The following MGP variants were observed in gnomAD, a reference collection of about 807,000 sequenced individuals.
The protein encoded by MGP is cell growth-inhibiting gene 36 protein.
A neutral mutation model predicts 14.5 loss-of-function variants in MGP; 13 were observed. The observed-to-expected ratio is 0.89, with a 90% CI of 0.58 to 1.42. The LOEUF is 1.42. Among genes scored for constraint, MGP ranks in the 40% most tolerant of loss-of-function variants. MGP has a pLI of 0.00. For synonymous variants in MGP, 44 were observed against 46.3 expected (o/e 0.95, Z 0.20); for missense variants, 128 against 133.7 (o/e 0.96, Z 0.21).
chr12:14,884,117 C>T (rs1863412512), intron 2 of MGP, 96 bp downstream of exon 2: 3 of 1,004,920 alleles, frequency 3.0e-6, no homozygotes, highest in South Asian at 3.5e-5. Context: ...CCCCTTTTCC[C>T]TCCCTGTTAT....
intron 2 of MGP, 161 bp from the exon 3 acceptor site, chr12:14,883,208 T>G: frequency 3.1e-6 from 2 of 640,034 alleles, no homozygotes; most frequent in East Asian, 5.8e-5. Context: ...GTAGATTTCA[T>G]TAACTTCCTG....
At chr12:14,883,968 A>G (rs886163574) in intron 2 of MGP, 1 of 353,108 alleles carries the variant, frequency 2.8e-6, no homozygotes, top group Non-Finnish European at 5.4e-6. Context: ...AAAATTTCCA[A>G]ATGAGATTTT....
chr12:14,885,488 C>G (rs777674737), intron 1 of MGP, among the ~76,000 whole-genome samples: 3 of 152,160 alleles, frequency 2.0e-5, no homozygotes, highest in Non-Finnish European at 4.4e-5. Context: ...TCTAGATATA[C>G]AGAGACTTAC....
intron 1 of MGP, chr12:14,884,682 G>A: frequency 1.5e-6 from 1 of 655,956 alleles, no homozygotes; most frequent in Non-Finnish European, 2.5e-6. Flanking sequence ...GTTTCTCCAG[G>A]CAAGAGAACT....
rs1280939002 is a variant in MGP at position 14,884,260 on chromosome 12, A to G, written c.62-15T>C. 4 of 1,367,466 alleles carry G rather than the reference A, an allele frequency of 2.9e-6. No individual in the cohort carries two copies. Among genetic ancestry groups the G allele is most frequent in the African/African-American group, 1.4e-5 (1 of 69,036 alleles). The allele number at this position is 1,367,466 out of a possible 1,614,324, so 84.7% of individuals were successfully genotyped here. On this transcript the variant is annotated splice_polypyrimidine_tract_variant and intron_variant, in intron 1 of 3. Transcript: ENST00000539261. ...TTCATGTGATTCTGAAATTAAAAAA[A>G]AAAGATTCATTATATCAATATTTAT...
rs777582699 is a variant in MGP, at chr12:14,884,147, A to G, written c.94+66T>C. 3.9e-4 allele frequency: 496 copies of G among 1,260,538 alleles called. 3 individuals carry two copies. The highest frequency in any genetic ancestry group is 2.8e-3 in the Middle Eastern group (14 of 5,080). The allele number at this position is 1,260,538 out of a possible 1,614,324, so 78.1% of individuals were successfully genotyped here. On this transcript the variant is annotated intron_variant, in intron 2 of 3. Transcript: ENST00000539261. ...TGTTATATATCTTTCCATCTTGTTT[A>G]TTTAAAAATAAGAAGAGGTTCTTTA...
intron 2 of MGP, 115 bp downstream of exon 2, chr12:14,884,098 A>G: frequency 2.3e-6 from 2 of 863,352 alleles, no homozygotes; most frequent in Non-Finnish European, 1.7e-6. Context: ...TTAGTTTTCC[A>G]AAAGAGGCCC....
chr12:14,881,939 C>T lies in MGP; in HGVS notation c.*200G>A, dbSNP rs1337612642. Reference sequence around the variant, plus strand: ...ATTATGGAACAATCACATATGTTGACTCTCCTTTGACCCTCACTGCAGTGC... The same window carrying T: ...ATTATGGAACAATCACATATGTTGATTCTCCTTTGACCCTCACTGCAGTGC... On this transcript the variant is annotated 3_prime_UTR_variant, in exon 4 of 4. Coordinates refer to ENST00000539261, the MANE Select transcript of MGP (RefSeq NM_000900.5). 3.3e-6 allele frequency: 2 copies of T among 613,594 alleles called. No homozygotes were observed. Among genetic ancestry groups the T allele is most frequent in the East Asian group, 2.9e-5 (1 of 35,060 alleles). 38.0% of individuals were successfully genotyped at this position (613,594 alleles called of 1,614,324 possible).
At chr12:14,884,858 A>T in intron 1 of MGP, 1 of 1,535,318 alleles carries the variant, frequency 6.5e-7, no homozygotes, top group Non-Finnish European at 8.7e-7. Context: ...ACGATATCAA[A>T]GCCGAAGTTT....
At chr12:14,882,935 G>A in intron 3 of MGP, 37 bp downstream of exon 3, 1 of 1,420,982 alleles carries the variant, frequency 7.0e-7, no homozygotes, top group Admixed American at 1.7e-5. Context: ...TCTACACTGG[G>A]AAAAATGACC....
At position 14,882,111 on chromosome 12, in the gene MGP, A is replaced by G; in HGVS notation, c.*28T>C. The G allele has an allele frequency of 6.2e-7, 1 of 1,613,834 alleles. No individual in the cohort carries two copies. The highest frequency in any genetic ancestry group is 1.7e-4 in the Middle Eastern group (1 of 6,054). On this transcript the variant is annotated 3_prime_UTR_variant, in exon 4 of 4. Coordinates refer to ENST00000539261, the MANE Select transcript of MGP (RefSeq NM_000900.5). The stretch of plus-strand genomic sequence containing the variant: ...AAAATCAGGTGCCAGCCTCCAGAAA[A>G]AAAGAGATTTTTTTTCTTCCCTCAG...
Position 14,881,941 on chromosome 12 carries a change from C to A in MGP, c.*198G>T. ...TATGGAACAATCACATATGTTGACT[C>A]TCCTTTGACCCTCACTGCAGTGCAC... On this transcript the variant is annotated 3_prime_UTR_variant, in exon 4 of 4. Coordinates refer to ENST00000539261, the MANE Select transcript of MGP (RefSeq NM_000900.5). 1 of 619,520 alleles carries A rather than the reference C, an allele frequency of 1.6e-6. No individual in the cohort carries two copies. Among genetic ancestry groups the A allele is most frequent in the Non-Finnish European group, 2.8e-6 (1 of 353,238 alleles). 38.4% of individuals were successfully genotyped at this position (619,520 alleles called of 1,614,324 possible). A position where few individuals can be genotyped will look rare whatever the true frequency, so the allele number is the denominator to read the frequency against.
chr12:14,884,782 C>CA, intron 1 of MGP: 1 of 1,522,666 alleles, frequency 6.6e-7, no homozygotes, highest in Non-Finnish European at 8.8e-7. Context: ...TTGGCAGCCA[C>CA]AGAAACCACT....
At chr12:14,884,300 G>C in intron 1 of MGP, 55 bp from the exon 2 acceptor site, 1 of 1,169,264 alleles carries the variant, frequency 8.6e-7, no homozygotes, top group Non-Finnish European at 1.2e-6. Context: ...GATTCATTAT[G>C]TTATTATTTA....
In MGP at chr12:14,882,096, G is replaced by A. The variant is rs373905218; in HGVS notation, c.*43C>T. The A allele has an allele frequency of 5.6e-6, 9 of 1,611,388 alleles. No individual in the cohort carries two copies. ...GCTACAGGGGGATACAAAATCAGGT[G>A]CCAGCCTCCAGAAAAAAAGAGATTT... On this transcript the variant is annotated 3_prime_UTR_variant, in exon 4 of 4. Coordinates refer to ENST00000539261, the MANE Select transcript of MGP (RefSeq NM_000900.5).
intron 2 of MGP, chr12:14,883,286 G>A (rs1256939287): frequency 2.1e-6 from 1 of 476,162 alleles, no homozygotes; most frequent in Non-Finnish European, 3.8e-6. Flanking sequence ...TTGGTTTTGA[G>A]TTTGGACGAT....
rs1426884783 is a variant in MGP at position 14,885,747 on chromosome 12, T to C, written c.45A>G (p.Val15=). The change falls in exon 1 of 4, where the codon GTA becomes GTG. Residue 15 remains valine (V), a synonymous_variant. Coordinates refer to ENST00000539261, the MANE Select transcript of MGP (RefSeq NM_000900.5). ...ILLAILAALA[V]VTLCYESHES... The stretch of plus-strand genomic sequence containing the variant: ...GTTTCTCACCATAACACAAAGTTAC[T>C]ACCGCTAAGGCGGCCAGGATGGCAA... 3 of 1,613,644 alleles carry C rather than the reference T, an allele frequency of 1.9e-6. No homozygotes were observed. Among genetic ancestry groups the C allele is most frequent in the Non-Finnish European group, 2.5e-6 (3 of 1,179,736 alleles).
intron 1 of MGP, 94 bp from the exon 2 acceptor site, chr12:14,884,339 A>G (rs1863415950): frequency 2.4e-6 from 2 of 834,336 alleles, no homozygotes; most frequent in African/African-American, 3.4e-5. Context: ...TAGTTTAAAT[A>G]CAGGGATGGA....
At chr12:14,882,344 A>T (rs1238789873) in intron 3 of MGP, 64 bp from the exon 4 acceptor site, 2 of 1,573,312 alleles carry the variant, frequency 1.3e-6, no homozygotes, top group African/African-American at 1.4e-5. Context: ...AAAATGGAAA[A>T]GAAGAAGAAA....
Sources: gnomAD v4.1 joint callset for allele counts (sites outside exome capture counted in the v4.1 genomes callset) on GRCh38, gnomAD v4.1.1 for gene constraint, MANE v1.5 for transcripts, NCBI Gene and HGNC (gene_info 2026-07-23, HGNC 2026-07-21) for gene names.